MCCC1: variants seen among roughly 807,000 people sequenced by gnomAD.
The protein encoded by MCCC1 is methylcrotonoyl-CoA carboxylase subunit alpha, mitochondrial.
In MCCC1, 64 loss-of-function variants were observed where a neutral mutation model predicts 83.8. The observed-to-expected ratio is 0.76, with a 90% CI of 0.62 to 0.94. The LOEUF is 0.94. MCCC1 is among the 40% of genes least tolerant of loss of function. The probability of loss-of-function intolerance (pLI) is 0.00; values close to 1 mark genes in which losing one functional copy is unlikely to be tolerated. For missense variants in MCCC1, 807 were observed against 904.7 expected (o/e 0.89, Z 1.39); for synonymous variants, 322 against 315.4 (o/e 1.02, Z -0.22).
At chr3:183,076,293 A>C (rs1717067979) in intron 4 of MCCC1, among the ~76,000 whole-genome samples, 1 of 152,180 alleles carries the variant, frequency 6.6e-6, no homozygotes, top group South Asian at 2.1e-4. Flanking sequence ...AGTACATAGT[A>C]TTATGTGTCT....
intron 8 of MCCC1, among the ~76,000 whole-genome samples, chr3:183,055,530 T>C (rs2108502982): frequency 6.6e-6 from 1 of 152,350 alleles, no homozygotes; most frequent in South Asian, 2.1e-4. Flanking sequence ...TTGCAGATAT[T>C]ACTCAGCATA....
chr3:183,093,148 C>T (rs1245185447), intron 2 of MCCC1, among the ~76,000 whole-genome samples: 1 of 152,176 alleles, frequency 6.6e-6, no homozygotes, highest in Admixed American at 6.6e-5. Flanking sequence ...CCTGCCTTGG[C>T]CTCCCGAAGT....
At chr3:183,027,823 A>C (rs1004095092) in intron 14 of MCCC1, among the ~76,000 whole-genome samples, 4 of 152,220 alleles carry the variant, frequency 2.6e-5, no homozygotes, top group Non-Finnish European at 2.9e-5. Flanking sequence ...GAAGTGAGGA[A>C]GCTGCAGAAA....
intron 2 of MCCC1, among the ~76,000 whole-genome samples, chr3:183,093,588 CTT>C (rs552095813): frequency 1.3e-5 from 2 of 152,022 alleles, no homozygotes; most frequent in Non-Finnish European, 2.9e-5. Flanking sequence ...AATAAATGTT[CTT>C]TGACAGTTCA....
At position 183,045,421 on chromosome 3, in the gene MCCC1, G is replaced by A; in HGVS notation, c.1075C>T (p.Gln359Ter). ...MITGTDLVEW[Q>*]LRIAAGEKIP... is the part of the protein sequence containing the mutation. The stretch of plus-strand genomic sequence containing the variant: ...AGAAAAAATATTCTCACTCTAAGCT[G>A]CCACTCCACCAAGTCAGTTCCTGTG... The change falls in exon 10 of 19, where the codon CAG becomes TAG. Residue 359 changes from glutamine to a stop codon, truncating the protein, a stop_gained. Coordinates refer to ENST00000265594, the MANE Select transcript of MCCC1 (RefSeq NM_020166.5). LOFTEE classifies it high-confidence loss of function. The A allele has an allele frequency of 6.2e-7, 1 of 1,614,014 alleles. No individual in the cohort carries two copies. Among genetic ancestry groups the A allele is most frequent in the Non-Finnish European group, 8.5e-7 (1 of 1,179,966 alleles).
intron 9 of MCCC1, among the ~76,000 whole-genome samples, chr3:183,046,572 G>C (rs753855546): frequency 5.3e-5 from 8 of 151,834 alleles, no homozygotes; most frequent in Non-Finnish European, 8.8e-5. Flanking sequence ...TAATTTTTTT[G>C]TATTTTTAGT....
At chr3:183,046,348 T>C (rs1479534461) in intron 9 of MCCC1, among the ~76,000 whole-genome samples, 1 of 152,210 alleles carries the variant, frequency 6.6e-6, no homozygotes, top group Non-Finnish European at 1.5e-5. Flanking sequence ...GTGAATACAA[T>C]GTAAAGTTGT....
intron 3 of MCCC1, among the ~76,000 whole-genome samples, chr3:183,092,171 C>A (rs1459369521): frequency 2.0e-5 from 3 of 152,166 alleles, no homozygotes; most frequent in Non-Finnish European, 2.9e-5. Flanking sequence ...ACCGTTTTAA[C>A]CAATCCTCAA....
rs746622722 is a variant in MCCC1, at chr3:183,015,511, C to A, written c.2105G>T (p.Gly702Val). Residue 702 changes from glycine to valine, a missense_variant, in exon 19 of 19, where the codon GGT becomes GTT. Physicochemically the swap from Gly to Val is moderately radical, Grantham distance 109. Coordinates refer to ENST00000265594, the MANE Select transcript of MCCC1 (RefSeq NM_020166.5). ...GTVKKVFYRE[G>V]AQANRHTPLV... is the part of the protein sequence containing the mutation. ...AGGAGTGTGTCTGTTGGCCTGAGCA[C>A]CTTCTCTGTAGAACACTTTCTTTAC... The A allele has an allele frequency of 6.2e-7, 1 of 1,614,124 alleles. No individual in the cohort carries two copies. The highest frequency in any genetic ancestry group is 8.5e-7 in the Non-Finnish European group (1 of 1,179,988).
At chr3:183,032,500 A>G (rs1713162916) in intron 14 of MCCC1, among the ~76,000 whole-genome samples, 1 of 152,238 alleles carries the variant, frequency 6.6e-6, no homozygotes, top group Non-Finnish European at 1.5e-5. Context: ...AATATGCCCA[A>G]TGCACTTAAG....
intron 9 of MCCC1, among the ~76,000 whole-genome samples, chr3:183,046,436 C>CTCCAAAG (rs1354555088): frequency 1.2e-3 from 177 of 150,074 alleles, no homozygotes; most frequent in African/African-American, 4.1e-3. Flanking sequence ...CTCACTCTGT[C>CTCCAAAG]ATCCAGGCTG....
rs1416966988 is a variant in MCCC1 at position 183,022,294 on chromosome 3, G to A, written c.1869+123C>T. The stretch of plus-strand genomic sequence containing the variant: ...ACACAGAATGGTGGGGGAAACTGAG[G>A]GAAAAAGGTCACAGCAGTGGTCACA... On this transcript the variant is annotated intron_variant, in intron 16 of 18. Transcript: ENST00000265594. 3.4e-6 allele frequency: 4 copies of A among 1,189,708 alleles called. No homozygotes were observed. The Admixed American group carries it at 5.5e-5, about 16-fold the overall frequency. The allele number at this position is 1,189,708 out of a possible 1,614,324, so 73.7% of individuals were successfully genotyped here.
intron 14 of MCCC1, among the ~76,000 whole-genome samples, chr3:183,033,489 A>G (rs1321143590): frequency 1.3e-5 from 2 of 152,226 alleles, no homozygotes; most frequent in Non-Finnish European, 2.9e-5. Context: ...TACATCAGAT[A>G]AGGCACTTAA....
intron 3 of MCCC1, among the ~76,000 whole-genome samples, chr3:183,088,535 CA>C (rs1718086587): frequency 6.6e-6 from 1 of 152,146 alleles, no homozygotes; most frequent in South Asian, 2.1e-4. Context: ...CCACAAAACA[CA>C]AATCTATTCT....
intron 2 of MCCC1, among the ~76,000 whole-genome samples, chr3:183,094,071 C>T (rs1171787284): frequency 1.5e-5 from 2 of 133,374 alleles, no homozygotes; most frequent in East Asian, 2.2e-4. Flanking sequence ...TTTTTTGAGA[C>T]GAAGTCTTGC....
At chr3:183,038,973 T>C in intron 12 of MCCC1, 53 bp downstream of exon 12, 1 of 1,512,616 alleles carries the variant, frequency 6.6e-7, no homozygotes, top group Non-Finnish European at 9.2e-7. Context: ...AAGGCTGACC[T>C]CTGGTGCTGA....
intron 3 of MCCC1, among the ~76,000 whole-genome samples, chr3:183,090,555 C>T (rs903035976): frequency 6.6e-6 from 1 of 151,874 alleles, no homozygotes; most frequent in Non-Finnish European, 1.5e-5. Context: ...CATGGTAAGA[C>T]ATTTAAAATT....
intron 15 of MCCC1, among the ~76,000 whole-genome samples, chr3:183,024,960 TAAA>T (rs1158461277): frequency 7.4e-6 from 1 of 134,776 alleles, no homozygotes. Context: ...TTTTCACCCT[TAAA>T]AAAAAAAAAA....
At chr3:183,098,330 T>C (rs1251862347) in intron 1 of MCCC1, among the ~76,000 whole-genome samples, 1 of 152,252 alleles carries the variant, frequency 6.6e-6, no homozygotes, top group Non-Finnish European at 1.5e-5. Flanking sequence ...AAGCAAACGT[T>C]CATATAAATG....
Sources: allele counts gnomAD v4.1 joint callset (sites outside exome capture counted in the v4.1 genomes callset), GRCh38; gene constraint gnomAD v4.1.1; transcripts MANE v1.5; gene names NCBI Gene and HGNC (gene_info 2026-07-23, HGNC 2026-07-21).